Variants in CNTN3 observed in about 807,000 individuals in gnomAD.
The protein encoded by CNTN3 is contactin 3.
A neutral mutation model predicts 119.1 loss-of-function variants in CNTN3; 60 were observed. That is an observed-to-expected ratio of 0.50 (90% CI 0.41 to 0.62). CNTN3 has a LOEUF of 0.62. Among genes scored for constraint, CNTN3 ranks in the 20% least tolerant of loss-of-function variants. The pLI, the probability that CNTN3 is intolerant of heterozygous loss-of-function variation, is 0.00. For synonymous variants in CNTN3, 450 were observed against 438.7 expected, an observed-to-expected ratio of 1.03 and a Z score of -0.32; for missense variants, 1,101 against 1,242.4, an observed-to-expected ratio of 0.89 and a Z score of 1.71.
At chr3:74,389,107 C>CTT (rs1704830047) in intron 5 of CNTN3, among the ~76,000 whole-genome samples, 1 of 152,162 alleles carries the variant, frequency 6.6e-6, no homozygotes, top group South Asian at 2.1e-4. Context: ...TTATTAAAAA[C>CTT]TACTGATCTT....
At chr3:74,394,011 A>T (rs1704983463) in intron 5 of CNTN3, among the ~76,000 whole-genome samples, 1 of 152,260 alleles carries the variant, frequency 6.6e-6, no homozygotes, top group African/African-American at 2.4e-5. Context: ...GATATTGTGC[A>T]GCAGAATAAG....
chr3:74,555,769 C>CGATA (rs1704059730), intron 1 of CNTN3, among the ~76,000 whole-genome samples: 1 of 152,086 alleles, frequency 6.6e-6, no homozygotes, highest in South Asian at 2.1e-4. Context: ...TCCCCTTTAT[C>CGATA]ATTTTTTATT....
intron 5 of CNTN3, among the ~76,000 whole-genome samples, chr3:74,385,956 A>T (rs955142114): frequency 6.6e-6 from 1 of 152,214 alleles, no homozygotes. Context: ...TGTGAGCCAA[A>T]TAACTGATCT....
At chr3:74,512,483 G>C (rs551215357) in intron 2 of CNTN3, among the ~76,000 whole-genome samples, 4 of 151,948 alleles carry the variant, frequency 2.6e-5, no homozygotes, top group Non-Finnish European at 5.9e-5. Context: ...TCTCCAGCAA[G>C]TATTTACTTT....
At chr3:74,534,111 C>T (rs1703729798) in intron 1 of CNTN3, among the ~76,000 whole-genome samples, 1 of 152,052 alleles carries the variant, frequency 6.6e-6, no homozygotes, top group Non-Finnish European at 1.5e-5. Flanking sequence ...AAAGGACACA[C>T]TTCATCCTTC....
chr3:74,408,368 G>T (rs1294829173), intron 5 of CNTN3, among the ~76,000 whole-genome samples: 3 of 152,122 alleles, frequency 2.0e-5, no homozygotes, highest in Non-Finnish European at 4.4e-5. Flanking sequence ...TCTTATCCTG[G>T]ATTATCTCCC....
chr3:74,352,288 A>T (rs954369808), intron 11 of CNTN3, among the ~76,000 whole-genome samples: 5 of 152,134 alleles, frequency 3.3e-5, no homozygotes, highest in Non-Finnish European at 5.9e-5. Flanking sequence ...GCCCTCATGG[A>T]GCTGCTCTCC....
At chr3:74,552,269 T>C (rs1704003239) in intron 1 of CNTN3, among the ~76,000 whole-genome samples, 1 of 152,216 alleles carries the variant, frequency 6.6e-6, no homozygotes, top group Non-Finnish European at 1.5e-5. Flanking sequence ...TCCATGTGGA[T>C]ATTTTCGTGT....
chr3:74,416,727 C>G (rs1457269750), intron 5 of CNTN3, among the ~76,000 whole-genome samples: 2 of 152,154 alleles, frequency 1.3e-5, no homozygotes, highest in Non-Finnish European at 2.9e-5. Flanking sequence ...GTGGCTCACA[C>G]CTGTAATCCC....
At chr3:74,413,835 G>A (rs4676967) in intron 5 of CNTN3, among the ~76,000 whole-genome samples, 113,101 of 152,100 alleles carry the variant, frequency 0.74, 42,147 homozygotes, top group East Asian at 0.8. Context: ...AATAAAAGCC[G>A]AATCTCAAAA....
At chr3:74,366,801 T>TATATAG (rs1704205193) in intron 8 of CNTN3, among the ~76,000 whole-genome samples, 1 of 135,626 alleles carries the variant, frequency 7.4e-6, no homozygotes, top group Non-Finnish European at 1.6e-5. Flanking sequence ...TATATATATA[T>TATATAG]ATATATAACT....
chr3:74,592,834 G>C (rs965515217), intron 1 of CNTN3, among the ~76,000 whole-genome samples: 1 of 151,728 alleles, frequency 6.6e-6, no homozygotes, highest in East Asian at 1.9e-4. Flanking sequence ...ACTTATTTTT[G>C]TTGTGTAAAC....
chr3:74,583,383 T>C (rs185337772), intron 1 of CNTN3, among the ~76,000 whole-genome samples: 2,523 of 148,582 alleles, frequency 0.017, 38 homozygotes, highest in South Asian at 0.035. Flanking sequence ...TTAGTAATTA[T>C]GAAAAAAAAA....
At chr3:74,491,252 G>A (rs1702957335) in intron 3 of CNTN3, among the ~76,000 whole-genome samples, 1 of 152,064 alleles carries the variant, frequency 6.6e-6, no homozygotes, top group East Asian at 1.9e-4. Context: ...TGTAATCCTA[G>A]TACTTTGGGA....
At chr3:74,419,979 T>G (rs998517873) in intron 5 of CNTN3, among the ~76,000 whole-genome samples, 1 of 152,210 alleles carries the variant, frequency 6.6e-6, no homozygotes, top group African/African-American at 2.4e-5. Context: ...ATAACTAGAT[T>G]AATAATTATG....
intron 4 of CNTN3, among the ~76,000 whole-genome samples, chr3:74,486,172 C>A (rs781079049): frequency 6.6e-6 from 1 of 151,586 alleles, no homozygotes; most frequent in Non-Finnish European, 1.5e-5. Context: ...GTTCCCTAAA[C>A]AGAATCCTTG....
intron 4 of CNTN3, among the ~76,000 whole-genome samples, chr3:74,441,053 T>C (rs972707595): frequency 6.6e-6 from 1 of 152,110 alleles, no homozygotes; most frequent in African/African-American, 2.4e-5. Flanking sequence ...TACTGTGTCA[T>C]GTATCTGAAT....
At chr3:74,314,683 G>T (rs1304537123) in intron 13 of CNTN3, among the ~76,000 whole-genome samples, 1 of 152,080 alleles carries the variant, frequency 6.6e-6, no homozygotes, top group Non-Finnish European at 1.5e-5. Context: ...GAGAAACAGA[G>T]GAATCCAGTA....
rs554976641 is a variant in CNTN3, at chr3:74,391,557, C to CTTTTTTTTTTTTTTTTTTTTTTTTTT, written c.455-20159_455-20158insAAAAAAAAAAAAAAAAAAAAAAAAAA. Among the ~76,000 whole-genome samples the CTTTTTTTTTTTTTTTTTTTTTTTTTT allele has an allele frequency of 1.1e-4, 10 of 87,024 alleles. 1 individual carries two copies. The highest frequency in any genetic ancestry group is 4.7e-4 in the African/African-American group (10 of 21,408). 57.1% of individuals were successfully genotyped at this position (87,024 alleles called of 152,430 possible). On this transcript the variant is annotated intron_variant, in intron 5 of 22. Transcript: ENST00000263665. ...TTAGTATTTTGTACTCCCATAGTTT[C>CTTTTTTTTTTTTTTTTTTTTTTTTTT]TTTTTTTTTTTTTTTTTTTTTTTTG...
Sources: gnomAD v4.1 joint callset for allele counts (sites outside exome capture counted in the v4.1 genomes callset) on GRCh38, gnomAD v4.1.1 for gene constraint, MANE v1.5 for transcripts, NCBI Gene and HGNC (gene_info 2026-07-23, HGNC 2026-07-21) for gene names.